Variants in ADARB2 observed in about 807,000 individuals in gnomAD.
ADARB2 encodes adenosine deaminase RNA specific B2 (inactive).
ADARB2 carries 25 observed loss-of-function variants against 62.2 expected under a neutral mutation model. That is an observed-to-expected ratio of 0.40 (90% confidence interval 0.29 to 0.56). The LOEUF (loss-of-function observed/expected upper bound fraction) is 0.56, where lower values mean the gene tolerates loss of function less well. Among genes scored for constraint, ADARB2 ranks in the 20% least tolerant of loss-of-function variants. The probability of loss-of-function intolerance (pLI) is 0.43; values close to 1 mark genes in which losing one functional copy is unlikely to be tolerated. For missense variants in ADARB2, 1,071 were observed against 1,077.4 expected (o/e 0.99, Z 0.08); for synonymous variants, 572 against 500.8 (o/e 1.14, Z -1.90).
At chr10:1,532,526 T>C (rs1371184172) in intron 1 of ADARB2, among the ~76,000 whole-genome samples, 9 of 152,080 alleles carry the variant, frequency 5.9e-5, no homozygotes, top group African/African-American at 2.2e-4. Context: ...CCCCCTGGCA[T>C]TGACCAGGGG....
In ADARB2 at chr10:1,181,820, A is replaced by G. The variant is rs1270931744; in HGVS notation, c.*1373T>C. 6.6e-6 allele frequency: 1 copy of G among 152,204 alleles called. No homozygotes were observed. Among genetic ancestry groups the G allele is most frequent in the African/African-American group, 2.4e-5 (1 of 41,436 alleles). 9.4% of individuals were successfully genotyped at this position (152,204 alleles called of 1,614,324 possible). On this transcript the variant is annotated 3_prime_UTR_variant, in exon 10 of 10. Coordinates refer to ENST00000381312, the MANE Select transcript of ADARB2 (RefSeq NM_018702.4). ...AATGAGAGACTGGCTATCTAGCATG[A>G]TGAATGTTAGAAATGAGTTCTCGGA... is the stretch of plus-strand genomic sequence containing the variant.
chr10:1,220,398 TTG>T (rs1830683796), intron 6 of ADARB2, among the ~76,000 whole-genome samples: 1 of 151,012 alleles, frequency 6.6e-6, no homozygotes, highest in Non-Finnish European at 1.5e-5. Flanking sequence ...ATGATGGTGA[TTG>T]TGGTGGTGAT....
chr10:1,583,210 C>A (rs1030292915), intron 1 of ADARB2, among the ~76,000 whole-genome samples: 5 of 152,178 alleles, frequency 3.3e-5, no homozygotes, highest in Non-Finnish European at 5.9e-5. Flanking sequence ...AAAATTTCAC[C>A]TTCCCAGAGA....
chr10:1,434,869 G>GTCTGGCGATAGTTTCTGCTCCT, intron 1 of ADARB2, among the ~76,000 whole-genome samples: 1 of 152,308 alleles, frequency 6.6e-6, no homozygotes, highest in East Asian at 1.9e-4. Flanking sequence ...TTCTGAGTTG[G>GTCTGGCGATAGTTTCTGCTCCT]TCTGGCGATA....
intron 4 of ADARB2, among the ~76,000 whole-genome samples, chr10:1,250,643 A>G (rs1273861903): frequency 6.6e-6 from 1 of 152,090 alleles, no homozygotes; most frequent in Non-Finnish European, 1.5e-5. Context: ...ATACCCTTAA[A>G]CTTCCCAGCC....
intron 1 of ADARB2, among the ~76,000 whole-genome samples, chr10:1,619,338 A>T (rs564563630): frequency 5.3e-5 from 8 of 152,270 alleles, no homozygotes; most frequent in African/African-American, 1.9e-4. Flanking sequence ...AATGACTCTA[A>T]AAAAACTACA....
chr10:1,201,084 C>T (rs955794639), intron 7 of ADARB2, among the ~76,000 whole-genome samples: 31 of 152,330 alleles, frequency 2.0e-4, no homozygotes, highest in African/African-American at 7.5e-4. Flanking sequence ...ACCCGTGATA[C>T]CAATTGCTTT....
chr10:1,588,400 C>A (rs1833207784), intron 1 of ADARB2, among the ~76,000 whole-genome samples: 1 of 152,152 alleles, frequency 6.6e-6, no homozygotes, highest in Non-Finnish European at 1.5e-5. Context: ...GGAGCATGAG[C>A]AACCAATATA....
At chr10:1,184,038 G>A (rs1212193401) in intron 9 of ADARB2, among the ~76,000 whole-genome samples, 1 of 152,238 alleles carries the variant, frequency 6.6e-6, no homozygotes, top group African/African-American at 2.4e-5. Flanking sequence ...CCCCGGCAGT[G>A]CCCTTGAGCG....
At chr10:1,610,908 ACT>A (rs527906055) in intron 1 of ADARB2, among the ~76,000 whole-genome samples, 45 of 151,914 alleles carry the variant, frequency 3.0e-4, no homozygotes, top group East Asian at 7.7e-4. Flanking sequence ...ACACACACAG[ACT>A]CACACACACA....
chr10:1,388,390 G>A (rs1292054802), intron 1 of ADARB2, among the ~76,000 whole-genome samples: 3 of 152,066 alleles, frequency 2.0e-5, no homozygotes, highest in Non-Finnish European at 4.4e-5. Flanking sequence ...GTGTCATAAG[G>A]CCAGAAAATA....
rs11250325 is a variant in ADARB2 at position 1,196,407 on chromosome 10, A to G, written c.1864+3559T>C. Among the ~76,000 whole-genome samples, 1,391 of 151,794 alleles carry G rather than the reference A, an allele frequency of 9.2e-3. 8 individuals are homozygous for G. Among genetic ancestry groups the G allele is most frequent in the Non-Finnish European group, 0.013 (882 of 67,914 alleles). ...GCAAATGCCTGGATTATGCTGATCA[A>G]TTTCTCGATGTTGGATACATTTAAT... On this transcript the variant is annotated intron_variant, in intron 8 of 9. Transcript: ENST00000381312.
chr10:1,696,444 C>A (rs1037867728), intron 1 of ADARB2, among the ~76,000 whole-genome samples: 1 of 152,160 alleles, frequency 6.6e-6, no homozygotes, highest in African/African-American at 2.4e-5. Context: ...TATATGATTT[C>A]TCCTGTTTTT....
chr10:1,190,521 G>C (rs543496116), intron 8 of ADARB2, among the ~76,000 whole-genome samples: 9 of 152,342 alleles, frequency 5.9e-5, no homozygotes, highest in African/African-American at 2.2e-4. Context: ...GCTTAAAAGA[G>C]CAGAAATCTG....
At chr10:1,302,293 T>C (rs1199373954) in intron 3 of ADARB2, among the ~76,000 whole-genome samples, 2 of 152,078 alleles carry the variant, frequency 1.3e-5, no homozygotes, top group African/African-American at 4.8e-5. Context: ...ATCCGGTCAC[T>C]CCCACCTGAA....
intron 1 of ADARB2, among the ~76,000 whole-genome samples, chr10:1,635,539 G>A (rs1258182107): frequency 2.6e-5 from 4 of 152,076 alleles, no homozygotes; most frequent in Non-Finnish European, 2.9e-5. Context: ...TGAAATCTCC[G>A]GATGATGAAA....
At chr10:1,624,635 A>G (rs1034303166) in intron 1 of ADARB2, among the ~76,000 whole-genome samples, 31 of 152,152 alleles carry the variant, frequency 2.0e-4, no homozygotes, top group African/African-American at 7.2e-4. Context: ...TTTTTAAGAG[A>G]CTGACACATG....
chr10:1,309,395 G>A (rs1052894338), intron 3 of ADARB2, among the ~76,000 whole-genome samples: 1 of 152,140 alleles, frequency 6.6e-6, no homozygotes. Flanking sequence ...CTTTTCAGCC[G>A]GGCATGCACT....
At chr10:1,468,592 G>A (rs973483565) in intron 1 of ADARB2, among the ~76,000 whole-genome samples, 1 of 152,212 alleles carries the variant, frequency 6.6e-6, no homozygotes, top group Admixed American at 6.5e-5. Flanking sequence ...GCAGGCAGTG[G>A]CTGGTGCTGG....
Sources: allele counts gnomAD v4.1 joint callset (sites outside exome capture counted in the v4.1 genomes callset), GRCh38; gene constraint gnomAD v4.1.1; transcripts MANE v1.5; gene names NCBI Gene and HGNC (gene_info 2026-07-23, HGNC 2026-07-21).